Variants in ENPP1 observed in about 807,000 individuals in gnomAD.
The protein encoded by ENPP1 is ectonucleotide pyrophosphatase/phosphodiesterase family member 1.
ENPP1 carries 73 observed loss-of-function variants against 122.8 expected under a neutral mutation model. The observed-to-expected ratio is 0.59, with a 90% CI of 0.49 to 0.72. The LOEUF (loss-of-function observed/expected upper bound fraction) is 0.72. Among genes scored for constraint, ENPP1 ranks in the 30% least tolerant of loss-of-function variants. The pLI, the probability that ENPP1 is intolerant of heterozygous loss-of-function variation, is 0.00. For missense variants in ENPP1, 978 were observed against 1,128.1 expected (o/e 0.87, Z 1.91); for synonymous variants, 367 against 391.6 (o/e 0.94, Z 0.74).
intron 24 of ENPP1, among the ~76,000 whole-genome samples, chr6:131,889,855 G>T (rs1348268615): frequency 2.0e-5 from 3 of 152,144 alleles, no homozygotes; most frequent in African/African-American, 7.2e-5. Context: ...AGGTCTTTGA[G>T]GAATTGCCAC....
At chr6:131,870,016 G>C (rs1379772102) in intron 13 of ENPP1, among the ~76,000 whole-genome samples, 1 of 152,008 alleles carries the variant, frequency 6.6e-6, no homozygotes, top group Admixed American at 6.6e-5. Context: ...CTTACCTATT[G>C]GTTATTCATG....
At chr6:131,812,182 A>G (rs111476415) in intron 1 of ENPP1, among the ~76,000 whole-genome samples, 2 of 152,346 alleles carry the variant, frequency 1.3e-5, no homozygotes, top group African/African-American at 4.8e-5. Context: ...AATACAAAGC[A>G]TAATCAATTT....
intron 15 of ENPP1, 60 bp from the exon 16 acceptor site, chr6:131,874,208 A>G (rs946922300): frequency 1.0e-6 from 1 of 974,038 alleles, no homozygotes; most frequent in African/African-American, 1.6e-5. Context: ...TAATGTTATG[A>G]TTATCAATTA....
chr6:131,895,096 G>A lies in ENPP1; in HGVS notation c.*4585G>A, dbSNP rs1418245714. The A allele has an allele frequency of 3.9e-5, 6 of 152,202 alleles. No homozygotes were observed. Among genetic ancestry groups the A allele is most frequent in the South Asian group, 2.1e-4 (1 of 4,826 alleles). 9.4% of individuals were successfully genotyped at this position (152,202 alleles called of 1,614,324 possible). On this transcript the variant is annotated 3_prime_UTR_variant, in exon 25 of 25. Coordinates refer to ENST00000647893, the MANE Select transcript of ENPP1 (RefSeq NM_006208.3). ...TAAGAGAGAGAGAAGAAAAGTGTAC[G>A]GAATATAATTGTCTCTAAGCTAAGA...
intron 13 of ENPP1, among the ~76,000 whole-genome samples, chr6:131,870,133 A>G (rs1157325829): frequency 1.3e-5 from 2 of 152,124 alleles, no homozygotes; most frequent in African/African-American, 4.8e-5. Flanking sequence ...TAAGAGAGAA[A>G]TCCAACTACA....
intron 1 of ENPP1, among the ~76,000 whole-genome samples, chr6:131,840,991 T>G (rs529885695): frequency 3.3e-5 from 5 of 152,310 alleles, no homozygotes; most frequent in Admixed American, 6.5e-5. Flanking sequence ...TGACTAGTTA[T>G]GTAAAGGGCT....
intron 1 of ENPP1, chr6:131,826,461 G>T: frequency 2.1e-6 from 2 of 974,570 alleles, no homozygotes; most frequent in Non-Finnish European, 1.6e-6. Flanking sequence ...TGTAAGTAAT[G>T]TTATTGTGCC....
chr6:131,877,876 T>A (rs1363120990), intron 18 of ENPP1: 79 of 109,662 alleles, frequency 7.2e-4, no homozygotes, highest in South Asian at 1.3e-3. Flanking sequence ...AATATATATA[T>A]ATATATATAT....
intron 1 of ENPP1, among the ~76,000 whole-genome samples, chr6:131,841,980 G>A (rs995089544): frequency 3.9e-4 from 60 of 152,114 alleles, no homozygotes; most frequent in Non-Finnish European, 1.8e-4. Flanking sequence ...CTGACCGCCC[G>A]CAGGCTGCCT....
intron 20 of ENPP1, among the ~76,000 whole-genome samples, chr6:131,881,876 A>G (rs1782313838): frequency 6.6e-6 from 1 of 152,014 alleles, no homozygotes; most frequent in Non-Finnish European, 1.5e-5. Context: ...AAAATTAGCC[A>G]GGCGTGGTGG....
intron 2 of ENPP1, among the ~76,000 whole-genome samples, chr6:131,848,626 A>G (rs1015499179): frequency 2.4e-4 from 37 of 152,256 alleles, no homozygotes; most frequent in Admixed American, 2.3e-3. Flanking sequence ...AGTTTAACTG[A>G]AGTAAACAGT....
At chr6:131,808,885 G>GTGT (rs1287818805) in intron 1 of ENPP1, among the ~76,000 whole-genome samples, 1 of 152,186 alleles carries the variant, frequency 6.6e-6, no homozygotes, top group African/African-American at 2.4e-5. Context: ...TACACGGTTT[G>GTGT]TGTTGCTAAC....
chr6:131,836,050 T>G (rs753149495), intron 1 of ENPP1, among the ~76,000 whole-genome samples: 15 of 152,162 alleles, frequency 9.9e-5, no homozygotes, highest in Non-Finnish European at 2.2e-4. Context: ...TTCTCTTGTC[T>G]TCTGTTCTTT....
intron 14 of ENPP1, 105 bp from the exon 15 acceptor site, chr6:131,872,818 T>C (rs1204305338): frequency 3.5e-6 from 4 of 1,154,352 alleles, no homozygotes; most frequent in Admixed American, 2.1e-5. Context: ...TTTTTATAGA[T>C]ATTAGGGAAA....
Position 131,893,945 on chromosome 6 carries a change from AT to A in ENPP1, c.*3437del. ...CAAAGTGAAACCTTTATTTATCTTG[AT>A]TTCTTTTTTTTTTTTTTTTTTTTTT... On this transcript the variant is annotated 3_prime_UTR_variant, in exon 25 of 25. Coordinates refer to ENST00000647893, the MANE Select transcript of ENPP1 (RefSeq NM_006208.3). 1 of 67,212 alleles carries A rather than the reference AT, an allele frequency of 1.5e-5. No individual in the cohort carries two copies. The highest frequency in any genetic ancestry group is 5.6e-4 in the South Asian group (1 of 1,772). The allele number at this position is 67,212 out of a possible 1,614,324, so 4.2% of individuals were successfully genotyped here.
At chr6:131,881,313 C>T (rs1044183987) in intron 20 of ENPP1, among the ~76,000 whole-genome samples, 1 of 152,108 alleles carries the variant, frequency 6.6e-6, no homozygotes, top group African/African-American at 2.4e-5. Flanking sequence ...ACACCAAACA[C>T]TTAAAAAAAT....
At chr6:131,869,329 C>T (rs763222632) in intron 12 of ENPP1, 29 bp from the exon 13 acceptor site, 13 of 1,610,120 alleles carry the variant, frequency 8.1e-6, no homozygotes, top group Admixed American at 1.7e-5. Context: ...AAAGTTACAG[C>T]ATGTTTTGGG....
chr6:131,830,214 G>A (rs551885545), intron 1 of ENPP1, among the ~76,000 whole-genome samples: 5 of 152,216 alleles, frequency 3.3e-5, no homozygotes, highest in East Asian at 3.9e-4. Flanking sequence ...GGAAGGCAAC[G>A]CAAGAAAGTA....
intron 1 of ENPP1, among the ~76,000 whole-genome samples, chr6:131,822,439 A>G (rs1352840511): frequency 6.6e-6 from 1 of 152,132 alleles, no homozygotes; most frequent in Non-Finnish European, 1.5e-5. Flanking sequence ...TTGTTTTGAG[A>G]GCTTACAATA....
Sources: gnomAD v4.1 joint callset for allele counts (sites outside exome capture counted in the v4.1 genomes callset) on GRCh38, gnomAD v4.1.1 for gene constraint, MANE v1.5 for transcripts, NCBI Gene and HGNC (gene_info 2026-07-23, HGNC 2026-07-21) for gene names.